The following NDST3 variants were observed in gnomAD, a reference collection of about 807,000 sequenced individuals.
NDST3 encodes bifunctional heparan sulfate N-deacetylase/N-sulfotransferase 3.
NDST3 carries 58 observed loss-of-function variants against 96.1 expected under a neutral mutation model. The ratio of observed to expected loss-of-function variants is 0.60; its 90% CI spans 0.49 to 0.75. NDST3 has a LOEUF of 0.75. NDST3 is among the 30% of genes least tolerant of loss of function. The probability of loss-of-function intolerance (pLI) is 0.00; values close to 1 mark genes in which losing one functional copy is unlikely to be tolerated. For missense variants in NDST3, 788 were observed against 1,034.2 expected (o/e 0.76, Z 3.27); for synonymous variants, 333 against 359.7 (o/e 0.93, Z 0.84).
intron 2 of NDST3, among the ~76,000 whole-genome samples, chr4:118,095,133 TG>T (rs1160283235): frequency 1.3e-5 from 2 of 151,832 alleles, no homozygotes; most frequent in South Asian, 2.1e-4. Context: ...AAAGAGGTTA[TG>T]TGTAAGTGGA....
At chr4:118,244,376 G>A (rs921834788) in intron 12 of NDST3, among the ~76,000 whole-genome samples, 3 of 152,078 alleles carry the variant, frequency 2.0e-5, no homozygotes, top group Non-Finnish European at 4.4e-5. Flanking sequence ...AATATATATC[G>A]TCAGAAATGC....
intron 6 of NDST3, among the ~76,000 whole-genome samples, chr4:118,202,255 A>T (rs1738140597): frequency 6.6e-6 from 1 of 152,146 alleles, no homozygotes; most frequent in Non-Finnish European, 1.5e-5. Context: ...GAAGTTGGGT[A>T]ATGTGATACC....
chr4:118,091,855 G>A (rs2389522), intron 2 of NDST3, among the ~76,000 whole-genome samples: 114,123 of 151,492 alleles, frequency 0.75, 45,611 homozygotes, highest in South Asian at 0.92. Flanking sequence ...TCTCTACTAT[G>A]TTTTTTCTTT....
chr4:118,243,115 C>T (rs745776211), intron 12 of NDST3, among the ~76,000 whole-genome samples: 1 of 149,292 alleles, frequency 6.7e-6, no homozygotes, highest in Admixed American at 6.6e-5. Flanking sequence ...ATGGACTGAG[C>T]CTTAAAAAAA....
chr4:118,102,212 T>C (rs183758691), intron 2 of NDST3, among the ~76,000 whole-genome samples: 2 of 152,194 alleles, frequency 1.3e-5, no homozygotes, highest in South Asian at 2.1e-4. Context: ...TTCCTATATA[T>C]AGTACAGTAT....
intron 6 of NDST3, among the ~76,000 whole-genome samples, chr4:118,160,512 T>C (rs1160586455): frequency 3.3e-5 from 5 of 150,412 alleles, no homozygotes; most frequent in Admixed American, 6.6e-5. Flanking sequence ...GCAAGGGACA[T>C]GAACAGACAC....
Position 118,140,550 on chromosome 4 carries a change from T to G in NDST3, c.1410+2311T>G, listed in dbSNP as rs115157002. On this transcript the variant is annotated intron_variant, in intron 5 of 13. Coordinates refer to ENST00000296499, the MANE Select transcript of NDST3 (RefSeq NM_004784.3). ...TGACTCTCTGGAAAGAACCAGTATA[T>G]TAGTCCATTCTCACATTGCTATGAG... Among the ~76,000 whole-genome samples, 744 of 152,280 alleles carry G rather than the reference T, an allele frequency of 4.9e-3. 8 individuals are homozygous for G. The highest frequency in any genetic ancestry group is 0.017 in the African/African-American group (713 of 41,550).
intron 6 of NDST3, among the ~76,000 whole-genome samples, chr4:118,211,766 A>C (rs1332593464): frequency 6.6e-6 from 1 of 152,166 alleles, no homozygotes; most frequent in Non-Finnish European, 1.5e-5. Context: ...TGGTTAGCCT[A>C]ATTAAAGCTA....
intron 1 of NDST3, among the ~76,000 whole-genome samples, chr4:118,051,219 C>A (rs1188125065): frequency 6.6e-6 from 1 of 151,938 alleles, no homozygotes; most frequent in Admixed American, 6.6e-5. Context: ...CAAAAATTAA[C>A]TCAAGGTAAT....
intron 6 of NDST3, among the ~76,000 whole-genome samples, chr4:118,172,385 G>A (rs982884378): frequency 4.6e-5 from 7 of 152,002 alleles, no homozygotes; most frequent in African/African-American, 1.7e-4. Flanking sequence ...TTGTAATGGC[G>A]ACAGAAAATA....
chr4:118,229,420 AAATG>A (rs1740125822), intron 8 of NDST3, among the ~76,000 whole-genome samples: 2 of 152,244 alleles, frequency 1.3e-5, no homozygotes, highest in East Asian at 3.8e-4. Context: ...ATGGTTATTT[AAATG>A]TGTGTCTATG....
intron 6 of NDST3, among the ~76,000 whole-genome samples, chr4:118,203,640 G>C (rs928935820): frequency 6.6e-6 from 1 of 152,176 alleles, no homozygotes; most frequent in Non-Finnish European, 1.5e-5. Flanking sequence ...TTCAAGTGCA[G>C]TGTTGTTTCT....
intron 6 of NDST3, among the ~76,000 whole-genome samples, chr4:118,190,535 T>C (rs1006765319): frequency 6.6e-6 from 1 of 152,174 alleles, no homozygotes; most frequent in African/African-American, 2.4e-5. Flanking sequence ...CAAGTAGCCA[T>C]GTGGCATCCA....
At chr4:118,112,884 T>C (rs1730758725) in intron 3 of NDST3, among the ~76,000 whole-genome samples, 1 of 152,142 alleles carries the variant, frequency 6.6e-6, no homozygotes. Context: ...ACTCATTCAT[T>C]AATCAGGCCA....
At chr4:118,149,854 C>A (rs1473432860) in intron 6 of NDST3, among the ~76,000 whole-genome samples, 1 of 152,104 alleles carries the variant, frequency 6.6e-6, no homozygotes, top group Admixed American at 6.5e-5. Context: ...GGGAATGCTT[C>A]CAGTTTTTGC....
chr4:118,078,164 T>A (rs1480534715), intron 2 of NDST3, among the ~76,000 whole-genome samples: 1 of 152,122 alleles, frequency 6.6e-6, no homozygotes, highest in Non-Finnish European at 1.5e-5. Context: ...GCCTCTGCAC[T>A]CAGCCCAGAC....
intron 4 of NDST3, among the ~76,000 whole-genome samples, chr4:118,134,783 C>T (rs1229123910): frequency 1.3e-5 from 2 of 152,174 alleles, no homozygotes; most frequent in Non-Finnish European, 2.9e-5. Context: ...TTTATAGTTA[C>T]ATAGCCAGAT....
chr4:118,211,725 A>C (rs1490935172), intron 6 of NDST3, among the ~76,000 whole-genome samples: 2 of 152,152 alleles, frequency 1.3e-5, no homozygotes, highest in Non-Finnish European at 2.9e-5. Flanking sequence ...GGTTTCTTAT[A>C]ATCTTTTTAA....
Position 118,200,538 on chromosome 4 carries a change from T to C in NDST3, c.1540-23953T>C, listed in dbSNP as rs189608661. ...TACCGTGAGAGCCTACTTGGTTTTC[T>C]ACCCAGCTGTAGGGCCTACCTTATA... On this transcript the variant is annotated intron_variant, in intron 6 of 13. Transcript: ENST00000296499. Among the ~76,000 whole-genome samples the C allele has an allele frequency of 1.4e-4, 22 of 152,322 alleles. No homozygotes were observed. In the East Asian group the frequency reaches 4.1e-3, roughly 28 times the overall value.
Sources: gnomAD v4.1 joint callset for allele counts (sites outside exome capture counted in the v4.1 genomes callset) on GRCh38, gnomAD v4.1.1 for gene constraint, MANE v1.5 for transcripts, NCBI Gene and HGNC (gene_info 2026-07-23, HGNC 2026-07-21) for gene names.